The following HERC2 variants were observed in gnomAD, a reference collection of about 807,000 sequenced individuals.
The protein encoded by HERC2 is HECT and RLD domain containing E3 ubiquitin protein ligase 2.
HERC2 carries 102 observed loss-of-function variants against 537.7 expected under a neutral mutation model. That is an observed-to-expected ratio of 0.19 (90% CI 0.16 to 0.22). The LOEUF (loss-of-function observed/expected upper bound fraction) is 0.22. Among genes scored for constraint, HERC2 ranks in the 10% least tolerant of loss-of-function variants. The pLI is 1.00. For synonymous variants in HERC2, 2,224 were observed against 2,466.2 expected, an observed-to-expected ratio of 0.90 and a Z score of 2.91; for missense variants, 4,236 against 6,198.2, an observed-to-expected ratio of 0.68 and a Z score of 10.63.
intron 3 of HERC2, 99 bp from the exon 4 acceptor site, chr15:28,293,121 A>G (rs1400383805): frequency 1.1e-6 from 1 of 948,768 alleles, no homozygotes; most frequent in Non-Finnish European, 1.6e-6. Context: ...AACACACATC[A>G]TTAACTGAAT....
chr15:28,317,643 T>TA lies in HERC2; in HGVS notation c.72+3718dup, dbSNP rs545229795. Reference sequence around the variant, plus strand: ...GAACAGATTAGTGGTTGTCAGGAGTTAGAGATGGTGGCAGAAGAGAGGCAG... The same window carrying TA: ...GAACAGATTAGTGGTTGTCAGGAGTTAAGAGATGGTGGCAGAAGAGAGGCAG... On this transcript the variant is annotated intron_variant, in intron 2 of 92. Coordinates refer to ENST00000261609, the MANE Select transcript of HERC2 (RefSeq NM_004667.6). Among the ~76,000 whole-genome samples the TA allele has an allele frequency of 3.3e-5, 5 of 152,282 alleles. No homozygotes were observed. In the South Asian group the frequency reaches 8.3e-4, roughly 25 times the overall value.
chr15:28,165,495 A>G (rs1201169924), intron 68 of HERC2, among the ~76,000 whole-genome samples: 1 of 152,146 alleles, frequency 6.6e-6, no homozygotes, highest in African/African-American at 2.4e-5. Flanking sequence ...ATATAACAAC[A>G]CAAATACTGA....
intron 30 of HERC2, among the ~76,000 whole-genome samples, chr15:28,231,703 A>G (rs947972498): frequency 8.5e-5 from 13 of 152,208 alleles, no homozygotes; most frequent in South Asian, 8.3e-4. Context: ...TTTTTGCAGT[A>G]AAAAAACACA....
intron 3 of HERC2, among the ~76,000 whole-genome samples, chr15:28,295,073 C>G (rs1266548223): frequency 1.3e-5 from 2 of 152,074 alleles, no homozygotes; most frequent in Admixed American, 1.3e-4. Flanking sequence ...TGAGATCCCA[C>G]TAGACTTGTT....
chr15:28,219,860 C>A (rs1900334595), intron 37 of HERC2, among the ~76,000 whole-genome samples: 1 of 152,170 alleles, frequency 6.6e-6, no homozygotes, highest in Non-Finnish European at 1.5e-5. Flanking sequence ...TAAGAAATGT[C>A]ACGAAACCTC....
At chr15:28,217,622 C>T (rs959831534) in intron 38 of HERC2, among the ~76,000 whole-genome samples, 1 of 152,202 alleles carries the variant, frequency 6.6e-6, no homozygotes, top group Non-Finnish European at 1.5e-5. Context: ...CTGTGCCTGT[C>T]CCCCAACTTC....
chr15:28,222,794 A>G (rs1007145846), intron 35 of HERC2, among the ~76,000 whole-genome samples: 10 of 152,006 alleles, frequency 6.6e-5, no homozygotes, highest in African/African-American at 2.4e-4. Context: ...CTTGTTCTGG[A>G]ACTTCGTATG....
At chr15:28,175,041 T>C (rs914102624) in intron 64 of HERC2, among the ~76,000 whole-genome samples, 2 of 152,058 alleles carry the variant, frequency 1.3e-5, no homozygotes, top group African/African-American at 4.8e-5. Flanking sequence ...TAAAATACAG[T>C]AATGGTAATT....
intron 4 of HERC2, among the ~76,000 whole-genome samples, chr15:28,290,001 T>G (rs1208032636): frequency 2.6e-5 from 4 of 152,190 alleles, no homozygotes; most frequent in South Asian, 4.1e-4. Flanking sequence ...GTCTCATCTC[T>G]CAGGCGGGGT....
rs148047861 is a variant in HERC2 at position 28,164,182 on chromosome 15, G to A, written c.10555-897C>T. On this transcript the variant is annotated intron_variant, in intron 68 of 92. Transcript: ENST00000261609. ...GTCTGGCTCCCCAGAGGAAGATCGA[G>A]AGCCAGGGAAGTGCCGCTTTTCTCT... Among the ~76,000 whole-genome samples the A allele has an allele frequency of 8.5e-5, 13 of 152,336 alleles. No homozygotes were observed. In the East Asian group the frequency reaches 1.9e-3, roughly 23 times the overall value.
At chr15:28,126,136 T>TA (rs551547913) in intron 83 of HERC2, among the ~76,000 whole-genome samples, 2,477 of 150,858 alleles carry the variant, frequency 0.016, 66 homozygotes, top group African/African-American at 0.057. Context: ...AAAATAAGAA[T>TA]AAAAAAAAAT....
intron 2 of HERC2, among the ~76,000 whole-genome samples, chr15:28,307,586 A>C (rs1783606616): frequency 6.6e-6 from 1 of 152,042 alleles, no homozygotes; most frequent in African/African-American, 2.4e-5. Context: ...TTTCACTCTT[A>C]ATTTCTTCAC....
At chr15:28,307,626 T>C (rs1447253609) in intron 2 of HERC2, among the ~76,000 whole-genome samples, 2 of 152,248 alleles carry the variant, frequency 1.3e-5, no homozygotes, top group African/African-American at 4.8e-5. Flanking sequence ...GAGCATATTG[T>C]TTAATTCCCA....
chr15:28,305,775 C>T (rs1442231770), intron 2 of HERC2, among the ~76,000 whole-genome samples: 1 of 142,920 alleles, frequency 7.0e-6, no homozygotes, highest in Non-Finnish European at 1.5e-5. Context: ...TCGCAACCTA[C>T]TCATCTGACA....
intron 17 of HERC2, 81 bp downstream of exon 17, chr15:28,256,968 GGCTAAAACCCAT>G: frequency 9.5e-7 from 1 of 1,056,338 alleles, no homozygotes; most frequent in East Asian, 2.4e-5. Context: ...TCACCGAACA[GGCTAAAACCCAT>G]GCCCTTCAAA....
chr15:28,220,076 T>C (rs1024743482), intron 37 of HERC2, among the ~76,000 whole-genome samples: 4 of 152,126 alleles, frequency 2.6e-5, no homozygotes, highest in Admixed American at 6.5e-5. Context: ...GAGGAGGCAA[T>C]GGACCGAGAC....
Position 28,274,993 on chromosome 15 carries a change from C to T in HERC2, c.555G>A (p.Ala185=), listed in dbSNP as rs761670589. The change falls in exon 6 of 93, where the codon GCG becomes GCA. Residue 185 remains alanine, a synonymous_variant. Transcript: ENST00000261609. ...PPVDKKSSRP[A]GKGVEGLARV... ...TGGCGAGCCCCTCCACACCTTTGCC[C>T]GCAGGCCGGGAACTGCAGACGACAC... 2.2e-5 allele frequency: 36 copies of T among 1,606,392 alleles called. No homozygotes were observed. Among genetic ancestry groups the T allele is most frequent in the African/African-American group, 2.1e-4 (16 of 74,908 alleles).
rs1325522112 is a variant in HERC2, at chr15:28,233,290, C to T, written c.4531G>A (p.Glu1511Lys). 2.6e-6 allele frequency: 4 copies of T among 1,548,768 alleles called. No individual in the cohort carries two copies. Among genetic ancestry groups the T allele is most frequent in the South Asian group, 1.1e-5 (1 of 89,586 alleles). ...SYKEVCAPVIERLRFLFNELR... is the reference protein window; with the variant it reads ...SYKEVCAPVIKRLRFLFNELR... The stretch of plus-strand genomic sequence containing the variant: ...TCATTAAAGAGGAATCTCAAACGTT[C>T]GATGACAGGAGCGCAGACCTCCTTG... Residue 1511 changes from glutamate (E) to lysine (K), a missense_variant, in exon 30 of 93, where the codon GAA becomes AAA. Glu to Lys is a moderately conservative substitution (Grantham distance 56). Coordinates refer to ENST00000261609, the MANE Select transcript of HERC2 (RefSeq NM_004667.6).
rs979481546 is a variant in HERC2, at chr15:28,175,448, G to A, written c.9831+64C>T. On this transcript the variant is annotated intron_variant, in intron 64 of 92. Coordinates refer to ENST00000261609, the MANE Select transcript of HERC2 (RefSeq NM_004667.6). ...GTGATTTCAACAGGACGAAGGCCGTGTCATGACCCCCACGTCCCCCAAGTC... is the reference window on the plus strand; with the variant it reads ...GTGATTTCAACAGGACGAAGGCCGTATCATGACCCCCACGTCCCCCAAGTC... The A allele has an allele frequency of 6.2e-5, 91 of 1,471,796 alleles. No individual in the cohort carries two copies. The Middle Eastern group carries it at 1.1e-3, about 17-fold the overall frequency. The allele number at this position is 1,471,796 out of a possible 1,614,324, so 91.2% of individuals were successfully genotyped here.
Sources: gnomAD v4.1 joint callset for allele counts (sites outside exome capture counted in the v4.1 genomes callset) on GRCh38, gnomAD v4.1.1 for gene constraint, MANE v1.5 for transcripts, NCBI Gene and HGNC (gene_info 2026-07-23, HGNC 2026-07-21) for gene names.